OPCML: variants seen among roughly 807,000 people sequenced by gnomAD.
OPCML encodes the protein opioid binding protein/cell adhesion molecule like.
A neutral mutation model predicts 37.8 loss-of-function variants in OPCML; 13 were observed. That is an observed-to-expected ratio of 0.34 (90% CI 0.22 to 0.55). The LOEUF (loss-of-function observed/expected upper bound fraction) is 0.55. OPCML is among the 20% of genes least tolerant of loss of function. The pLI, the probability that OPCML is intolerant of heterozygous loss-of-function variation, is 0.91. For missense variants in OPCML, 341 were observed against 435.6 expected (o/e 0.78, Z 1.93); for synonymous variants, 176 against 168.8 (o/e 1.04, Z -0.33).
chr11:133,218,875 G>T (rs545324645), intron 1 of OPCML, among the ~76,000 whole-genome samples: 1 of 152,310 alleles, frequency 6.6e-6, no homozygotes, highest in African/African-American at 2.4e-5. Flanking sequence ...GAATGGGCTA[G>T]TCTCTGTCAT....
At chr11:133,326,504 GTGTGGGAGTGTGGGTATGTGTAA>G in intron 1 of OPCML, among the ~76,000 whole-genome samples, 1 of 137,740 alleles carries the variant, frequency 7.3e-6, no homozygotes, top group African/African-American at 3.0e-5. Context: ...GTGTGTGTAT[GTGTGGGAGTGTGGGTATGTGTAA>G]GTGTGTGGGG....
intron 1 of OPCML, among the ~76,000 whole-genome samples, chr11:132,997,647 A>G (rs760618737): frequency 1.3e-5 from 2 of 152,172 alleles, no homozygotes; most frequent in Non-Finnish European, 2.9e-5. Flanking sequence ...AGGGACACTC[A>G]TCACCATCCA....
At chr11:132,610,453 A>C (rs1386977031) in intron 3 of OPCML, among the ~76,000 whole-genome samples, 1 of 152,172 alleles carries the variant, frequency 6.6e-6, no homozygotes, top group Admixed American at 6.5e-5. Flanking sequence ...GACAAAACAC[A>C]CTAGGAGGAA....
chr11:132,707,884 A>G (rs758023898), intron 2 of OPCML, among the ~76,000 whole-genome samples: 1 of 152,188 alleles, frequency 6.6e-6, no homozygotes, highest in Non-Finnish European at 1.5e-5. Flanking sequence ...AATTATAACC[A>G]TTGAGCCTGA....
At chr11:133,507,751 C>T (rs1267521940) in intron 1 of OPCML, among the ~76,000 whole-genome samples, 3 of 152,022 alleles carry the variant, frequency 2.0e-5, no homozygotes, top group Non-Finnish European at 4.4e-5. Flanking sequence ...GCAATACCAG[C>T]CTGGCCAACA....
At chr11:133,002,958 T>TG (rs1947036819) in intron 1 of OPCML, among the ~76,000 whole-genome samples, 1 of 151,998 alleles carries the variant, frequency 6.6e-6, no homozygotes, top group Non-Finnish European at 1.5e-5. Context: ...TTCATATCAG[T>TG]GGGGGGAAAA....
At chr11:133,300,962 T>A (rs2136565024) in intron 1 of OPCML, 1 of 152,256 alleles carries the variant, frequency 6.6e-6, no homozygotes, top group Non-Finnish European at 1.5e-5. Flanking sequence ...AGATTTTGGC[T>A]CAGTGATACT....
At chr11:132,708,282 CTAA>C (rs1456757285) in intron 2 of OPCML, among the ~76,000 whole-genome samples, 1 of 152,180 alleles carries the variant, frequency 6.6e-6, no homozygotes, top group Non-Finnish European at 1.5e-5. Context: ...AATCACAGGG[CTAA>C]TGAGTTTGCC....
intron 2 of OPCML, among the ~76,000 whole-genome samples, chr11:132,692,599 G>A (rs3018396): frequency 0.47 from 71,655 of 151,986 alleles, 17,102 homozygotes; most frequent in Admixed American, 0.55. Context: ...CACTGCAATA[G>A]AAAATAAACC....
At chr11:133,231,639 A>G (rs1175450364) in intron 1 of OPCML, among the ~76,000 whole-genome samples, 1 of 152,156 alleles carries the variant, frequency 6.6e-6, no homozygotes, top group Non-Finnish European at 1.5e-5. Context: ...ACAAGCAGTA[A>G]TTGAGACCTT....
intron 3 of OPCML, among the ~76,000 whole-genome samples, chr11:132,635,547 A>G (rs1940437985): frequency 6.6e-6 from 1 of 150,530 alleles, no homozygotes; most frequent in South Asian, 2.1e-4. Context: ...AAAAAAAAAA[A>G]GCCAGACTTC....
intron 2 of OPCML, among the ~76,000 whole-genome samples, chr11:132,677,408 C>T (rs1043346434): frequency 3.9e-5 from 6 of 152,178 alleles, no homozygotes; most frequent in Admixed American, 1.3e-4. Flanking sequence ...GACACTGATT[C>T]TAAAGTTTAT....
At chr11:133,261,783 C>T (rs1333895765) in intron 1 of OPCML, among the ~76,000 whole-genome samples, 1 of 152,228 alleles carries the variant, frequency 6.6e-6, no homozygotes. Flanking sequence ...TCCTCTACTT[C>T]AATTGCCTTC....
chr11:133,006,548 C>A (rs964221045), intron 1 of OPCML: 18 of 985,328 alleles, frequency 1.8e-5, no homozygotes, highest in African/African-American at 3.5e-5. Context: ...AACTCGGGAA[C>A]TTTGCACAAA....
intron 2 of OPCML, among the ~76,000 whole-genome samples, chr11:132,742,592 A>G (rs1016919098): frequency 1.3e-5 from 2 of 151,814 alleles, no homozygotes; most frequent in Non-Finnish European, 2.9e-5. Context: ...TATCTAAGCC[A>G]CTCTATCTCT....
intron 1 of OPCML, chr11:133,005,996 C>A (rs1947102801): frequency 1.0e-6 from 1 of 985,226 alleles, no homozygotes; most frequent in South Asian, 4.7e-5. Flanking sequence ...CTTTTCCTTG[C>A]CCTTCTCTTT....
chr11:133,355,630 C>T (rs1393449323), intron 1 of OPCML, among the ~76,000 whole-genome samples: 4 of 152,204 alleles, frequency 2.6e-5, no homozygotes, highest in South Asian at 2.1e-4. Context: ...CTTCTCCCAA[C>T]CCTCAGCCCA....
chr11:133,283,452 G>A (rs1942216289), intron 1 of OPCML, among the ~76,000 whole-genome samples: 2 of 151,116 alleles, frequency 1.3e-5, no homozygotes, highest in African/African-American at 2.4e-5. Context: ...GCTGTGATTA[G>A]AAGCTTCCTG....
chr11:133,197,595 G>A (rs1421256741), intron 1 of OPCML, among the ~76,000 whole-genome samples: 1 of 152,180 alleles, frequency 6.6e-6, no homozygotes, highest in Non-Finnish European at 1.5e-5. Context: ...ACTAATCACA[G>A]GAGTGAGCCA....
Sources: allele counts gnomAD v4.1 joint callset (sites outside exome capture counted in the v4.1 genomes callset), GRCh38; gene constraint gnomAD v4.1.1; transcripts MANE v1.5; gene names NCBI Gene and HGNC (gene_info 2026-07-23, HGNC 2026-07-21).